Variants in ESF1 observed in about 807,000 individuals in gnomAD.
ESF1 encodes the protein ESF1 nucleolar pre-rRNA processing protein.
ESF1 carries 58 observed loss-of-function variants against 92.0 expected under a neutral mutation model. The ratio of observed to expected loss-of-function variants is 0.63; its 90% CI spans 0.51 to 0.78. ESF1 has a LOEUF of 0.78. ESF1 is among the 30% of genes least tolerant of loss of function. ESF1 has a pLI of 0.00. For synonymous variants in ESF1, 321 were observed against 313.7 expected (o/e 1.02, Z -0.24); for missense variants, 922 against 989.1 (o/e 0.93, Z 0.91).
rs775028889 is a variant in ESF1 at position 13,766,881 on chromosome 20, A to G, written c.1562T>C (p.Met521Thr). 1.2e-6 allele frequency: 2 copies of G among 1,613,694 alleles called. No homozygotes were observed. Among genetic ancestry groups the G allele is most frequent in the Non-Finnish European group, 1.7e-6 (2 of 1,179,928 alleles). The change falls in exon 8 of 14, where the codon ATG (methionine) becomes ACG (threonine). Residue 521 changes from methionine to threonine, a missense_variant. Met to Thr is a moderately conservative substitution (Grantham distance 81, BLOSUM62 -1). Coordinates refer to ENST00000617257, the MANE Select transcript of ESF1 (RefSeq NM_001276380.2). Reference sequence around the variant, plus strand: ...TTCCTTTTTAAACTTCCTGTTGAGCATTGTAATTCTTTCATGATCAGTCTC... The same window carrying G: ...TTCCTTTTTAAACTTCCTGTTGAGCGTTGTAATTCTTTCATGATCAGTCTC... ...WDETDHERIT[M>T]LNRKFKKEEL...
At chr20:13,728,498 A>G (rs1426009097) in intron 10 of ESF1, 33 bp from the exon 11 acceptor site, 1 of 1,430,346 alleles carries the variant, frequency 7.0e-7, no homozygotes, top group Non-Finnish European at 9.6e-7. Context: ...ACAAAATTTC[A>G]TTATTACAAG....
chr20:13,773,981 G>C (rs148772900), intron 4 of ESF1, among the ~76,000 whole-genome samples: 1,790 of 152,054 alleles, frequency 0.012, 41 homozygotes, highest in African/African-American at 0.041. Context: ...TGTAGTCCCA[G>C]CTACTCAGGA....
intron 4 of ESF1, 31 bp from the exon 5 acceptor site, chr20:13,772,646 T>C (rs1979744780): frequency 1.4e-6 from 2 of 1,454,040 alleles, no homozygotes; most frequent in African/African-American, 1.4e-5. Context: ...TCAATGTAAT[T>C]TGTACATTCC....
In ESF1 at chr20:13,728,422, A is replaced by T. The variant is rs755499849; in HGVS notation, c.1994T>A (p.Val665Asp). 5.0e-6 allele frequency: 8 copies of T among 1,613,238 alleles called. No individual in the cohort carries two copies. In the South Asian group the frequency reaches 8.8e-5, roughly 18 times the overall value. ...AGCAAAGTATGGGTCATTCAAATCAACATCAGAGGGAAGTTCCTCTTCACT... is the reference window on the plus strand; with the variant it reads ...AGCAAAGTATGGGTCATTCAAATCATCATCAGAGGGAAGTTCCTCTTCACT... ...EASEEELPSDVDLNDPYFAEE... is the reference protein window; with the variant it reads ...EASEEELPSDDDLNDPYFAEE... Residue 665 changes from valine to aspartate, a missense_variant, in exon 11 of 14, where the codon GTT becomes GAT. By Grantham distance (152) the Val-to-Asp change is radical. Transcript: ENST00000617257.
intron 12 of ESF1, 65 bp from the exon 13 acceptor site, chr20:13,717,579 T>C: frequency 6.4e-7 from 1 of 1,566,660 alleles, no homozygotes; most frequent in Non-Finnish European, 8.7e-7. Context: ...CAAAAAGGAG[T>C]ATAGGGCAGA....
At chr20:13,716,194 T>C (rs1017659135) in intron 13 of ESF1, among the ~76,000 whole-genome samples, 31 of 152,192 alleles carry the variant, frequency 2.0e-4, no homozygotes, top group African/African-American at 7.5e-4. Flanking sequence ...TCCACATTAA[T>C]GGTTGGAAGT....
chr20:13,740,878 G>A (rs1474555717), intron 9 of ESF1, among the ~76,000 whole-genome samples: 1 of 152,074 alleles, frequency 6.6e-6, no homozygotes, highest in East Asian at 1.9e-4. Context: ...GAGTCAAGAG[G>A]AAGTCTTGTG....
chr20:13,730,626 C>T (rs1002082385), intron 10 of ESF1, among the ~76,000 whole-genome samples: 12 of 151,960 alleles, frequency 7.9e-5, no homozygotes, highest in Admixed American at 4.6e-4. Context: ...CCTTGTGATC[C>T]GCCCGCCTCG....
rs573780405 is a variant in ESF1, at chr20:13,730,317, G to A, written c.1951-1852C>T. ...TTGAACTCCTAACTTTAGGTGATCCGCCTGCCTCAGCCTCCCAAAGTGCTG... is the reference window on the plus strand; with the variant it reads ...TTGAACTCCTAACTTTAGGTGATCCACCTGCCTCAGCCTCCCAAAGTGCTG... On this transcript the variant is annotated intron_variant, in intron 10 of 13. Coordinates refer to ENST00000617257, the MANE Select transcript of ESF1 (RefSeq NM_001276380.2). 2.6e-5 allele frequency among the ~76,000 whole-genome samples: 4 copies of A among 151,404 alleles called. No individual in the cohort carries two copies. The East Asian group carries it at 5.8e-4, about 22-fold the overall frequency.
intron 5 of ESF1, among the ~76,000 whole-genome samples, chr20:13,771,936 GT>G: frequency 8.0e-6 from 1 of 125,136 alleles, no homozygotes; most frequent in African/African-American, 3.0e-5. Context: ...TTTTTTTAAG[GT>G]TCCACACAAA....
chr20:13,767,729 T>A (rs1022718689), intron 7 of ESF1, among the ~76,000 whole-genome samples: 1 of 152,190 alleles, frequency 6.6e-6, no homozygotes, highest in African/African-American at 2.4e-5. Flanking sequence ...TAAACCTCCA[T>A]GATACATGAA....
At chr20:13,720,805 A>G (rs1478374947) in intron 11 of ESF1, among the ~76,000 whole-genome samples, 3 of 152,186 alleles carry the variant, frequency 2.0e-5, no homozygotes, top group African/African-American at 7.2e-5. Context: ...AATTTTTCTC[A>G]ATGTATAAAT....
At chr20:13,728,513 A>G (rs762691237) in intron 10 of ESF1, 48 bp from the exon 11 acceptor site, 3 of 1,325,296 alleles carry the variant, frequency 2.3e-6, no homozygotes, top group Non-Finnish European at 3.2e-6. Context: ...TACAAGAATT[A>G]TAATAAATGT....
At chr20:13,724,994 T>C (rs886529218) in intron 11 of ESF1, among the ~76,000 whole-genome samples, 6 of 152,216 alleles carry the variant, frequency 3.9e-5, no homozygotes, top group African/African-American at 1.2e-4. Context: ...GTTTTGTATC[T>C]GGCCTGGCCT....
rs371262953 is a variant in ESF1 at position 13,782,712 on chromosome 20, T to G, written c.429A>C (p.Ser143=). Residue 143 remains serine (S), a synonymous_variant, in exon 2 of 14, where the codon TCA becomes TCC. Transcript: ENST00000617257. ...NSIGIKKMKT[S]CKFKIDSNIS... ...TGTTTGAATCTATCTTAAATTTACA[T>G]GAGGTTTTCATTTTTTTAATTCCTA... 8 of 1,586,124 alleles carry G rather than the reference T, an allele frequency of 5.0e-6. No homozygotes were observed. The highest frequency in any genetic ancestry group is 6.8e-6 in the Non-Finnish European group (8 of 1,171,614).
chr20:13,716,630 TTC>T (rs1163389028), intron 13 of ESF1, among the ~76,000 whole-genome samples: 3 of 149,394 alleles, frequency 2.0e-5, no homozygotes, highest in Non-Finnish European at 4.4e-5. Flanking sequence ...TGAAGACATT[TTC>T]TTTTTTTTTC....
chr20:13,718,969 GA>G lies in ESF1; in HGVS notation c.2053del (p.Ser685ArgfsTer2). On this transcript the variant is annotated frameshift_variant, in exon 12 of 14. Coordinates refer to ENST00000617257, the MANE Select transcript of ESF1 (RefSeq NM_001276380.2). LOFTEE classifies it high-confidence loss of function. ...EVKQIGINKK[S>X]VKSAKDGTSP... ...TGTGCCATCTTTTGCAGATTTTACC[GA>G]TTTTTTATTTATACCTGGCACAACA... 1 of 1,600,050 alleles carries G rather than the reference GA, an allele frequency of 6.2e-7. No homozygotes were observed. Among genetic ancestry groups the G allele is most frequent in the Non-Finnish European group, 8.5e-7 (1 of 1,174,988 alleles).
At chr20:13,763,277 T>C (rs1979287323) in intron 8 of ESF1, among the ~76,000 whole-genome samples, 3 of 152,230 alleles carry the variant, frequency 2.0e-5, no homozygotes, top group Admixed American at 6.5e-5. Context: ...AAGAAAGATA[T>C]AGGGGGTTTA....
rs897431141 is a variant in ESF1, at chr20:13,771,466, A to C, written c.1268T>G (p.Leu423Trp). 6.2e-7 allele frequency: 1 copy of C among 1,612,824 alleles called. No individual in the cohort carries two copies. The highest frequency in any genetic ancestry group is 1.3e-5 in the African/African-American group (1 of 75,014). Residue 423 changes from leucine (L) to tryptophan (W), a missense_variant, in exon 6 of 14, where the codon TTG becomes TGG. By Grantham distance (61) the Leu-to-Trp change is moderately conservative. Transcript: ENST00000617257. ...PEKDWTSREKLRDYQFKRLKY... is the reference protein window; with the variant it reads ...PEKDWTSREKWRDYQFKRLKY... ...CAGTCGTTTGAATTGATAATCTCTC[A>C]ATTTTTCTCTAGACGTCCTAAAGTG... is the stretch of plus-strand genomic sequence containing the variant.
Sources: gnomAD v4.1 joint callset for allele counts (sites outside exome capture counted in the v4.1 genomes callset) on GRCh38, gnomAD v4.1.1 for gene constraint, MANE v1.5 for transcripts, NCBI Gene and HGNC (gene_info 2026-07-23, HGNC 2026-07-21) for gene names.